Variants in CCBE1 observed in about 807,000 individuals in gnomAD.
CCBE1 encodes the protein collagen and calcium binding EGF domains 1.
A neutral mutation model predicts 50.0 loss-of-function variants in CCBE1; 37 were observed. The observed-to-expected ratio is 0.74, with a 90% CI of 0.57 to 0.97. CCBE1 has a LOEUF of 0.97. Among genes scored for constraint, CCBE1 ranks in the 50% least tolerant of loss-of-function variants. The pLI, the probability that CCBE1 is intolerant of heterozygous loss-of-function variation, is 0.00. For synonymous variants in CCBE1, 234 were observed against 203.7 expected, an observed-to-expected ratio of 1.15 and a Z score of -1.27; for missense variants, 538 against 523.8, an observed-to-expected ratio of 1.03 and a Z score of -0.26.
chr18:59,507,094 C>A (rs1913909359), intron 2 of CCBE1, among the ~76,000 whole-genome samples: 2 of 152,184 alleles, frequency 1.3e-5, no homozygotes, highest in African/African-American at 4.8e-5. Flanking sequence ...TTTCCAATGA[C>A]CCCTGGAAAT....
intron 2 of CCBE1, among the ~76,000 whole-genome samples, chr18:59,634,208 T>TA (rs1599084762): frequency 2.0e-5 from 3 of 152,250 alleles, no homozygotes; most frequent in African/African-American, 2.4e-5. Context: ...ACAATGGCTT[T>TA]AAAAAACCGC....
chr18:59,506,463 T>C (rs180742667), intron 2 of CCBE1, among the ~76,000 whole-genome samples: 2 of 152,278 alleles, frequency 1.3e-5, no homozygotes, highest in Admixed American at 1.3e-4. Flanking sequence ...CTTCACTTGC[T>C]AAAGGAATGA....
At chr18:59,459,281 A>G (rs749874674) in intron 5 of CCBE1, among the ~76,000 whole-genome samples, 1 of 152,242 alleles carries the variant, frequency 6.6e-6, no homozygotes, top group Non-Finnish European at 1.5e-5. Flanking sequence ...TACCTTTTGT[A>G]TATGTAGACC....
chr18:59,551,014 A>G (rs77939079), intron 2 of CCBE1, among the ~76,000 whole-genome samples: 3 of 119,964 alleles, frequency 2.5e-5, no homozygotes, highest in African/African-American at 3.1e-5. Flanking sequence ...AAAAAAAAAA[A>G]AAAAAAAAAA....
intron 2 of CCBE1, among the ~76,000 whole-genome samples, chr18:59,659,945 G>A (rs559993628): frequency 6.6e-6 from 1 of 152,072 alleles, no homozygotes; most frequent in South Asian, 2.1e-4. Context: ...CTAGGACCTC[G>A]CTATGCAATG....
At chr18:59,497,376 G>A (rs1387152609) in intron 2 of CCBE1, among the ~76,000 whole-genome samples, 1 of 152,130 alleles carries the variant, frequency 6.6e-6, no homozygotes, top group East Asian at 1.9e-4. Context: ...GTAATATACT[G>A]AGCAAAGAAC....
chr18:59,658,108 G>A (rs1013178454), intron 2 of CCBE1, among the ~76,000 whole-genome samples: 5 of 151,124 alleles, frequency 3.3e-5, no homozygotes, highest in Admixed American at 6.6e-5. Context: ...TTATGCATCT[G>A]TAAAAGGTGG....
rs961059280 is a variant in CCBE1 at position 59,534,591 on chromosome 18, T to C, written c.213-54353A>G. The stretch of plus-strand genomic sequence containing the variant: ...AGTGTGGTCTCTAGCATCAGCATCA[T>C]CTGGAAACTTGTTAGAAATGCAAAA... On this transcript the variant is annotated intron_variant, in intron 2 of 10. Transcript: ENST00000439986. 2.0e-5 allele frequency among the ~76,000 whole-genome samples: 3 copies of C among 152,212 alleles called. No homozygotes were observed. In the South Asian group the frequency reaches 6.2e-4, roughly 32 times the overall value.
At chr18:59,613,863 G>GTTTTTTTTTTTT (rs34847608) in intron 2 of CCBE1, among the ~76,000 whole-genome samples, 1 of 98,428 alleles carries the variant, frequency 1.0e-5, no homozygotes, top group African/African-American at 3.7e-5. Flanking sequence ...TCTCTGATGG[G>GTTTTTTTTTTTT]TTTTTTTTTT....
At chr18:59,661,573 A>G (rs566597153) in intron 2 of CCBE1, among the ~76,000 whole-genome samples, 2 of 152,342 alleles carry the variant, frequency 1.3e-5, no homozygotes, top group African/African-American at 4.8e-5. Context: ...CATTGGGGAA[A>G]CACAGCGTGA....
intron 2 of CCBE1, among the ~76,000 whole-genome samples, chr18:59,661,680 T>A (rs2054287685): frequency 6.6e-6 from 1 of 152,168 alleles, no homozygotes; most frequent in Admixed American, 6.5e-5. Context: ...TTTAATAGAT[T>A]CTGTTGGCCC....
At chr18:59,451,344 C>T (rs932323056) in intron 6 of CCBE1, among the ~76,000 whole-genome samples, 1 of 150,890 alleles carries the variant, frequency 6.6e-6, no homozygotes, top group African/African-American at 2.4e-5. Flanking sequence ...TGCCAGCCCT[C>T]TCCTTCTGGA....
At chr18:59,541,091 C>G (rs1403717856) in intron 2 of CCBE1, among the ~76,000 whole-genome samples, 3 of 152,180 alleles carry the variant, frequency 2.0e-5, no homozygotes, top group Admixed American at 2.0e-4. Flanking sequence ...ATGAGATCAT[C>G]ATGTCATTAA....
intron 2 of CCBE1, among the ~76,000 whole-genome samples, chr18:59,575,175 T>C (rs1654469503): frequency 1.3e-5 from 2 of 152,194 alleles, no homozygotes; most frequent in Admixed American, 6.5e-5. Flanking sequence ...TGCTGATGCC[T>C]TGATCTCAGA....
intron 2 of CCBE1, among the ~76,000 whole-genome samples, chr18:59,657,811 A>G (rs1248307678): frequency 6.6e-6 from 1 of 152,196 alleles, no homozygotes; most frequent in African/African-American, 2.4e-5. Context: ...AAATCGCTCG[A>G]ACCCGGGAGG....
intron 2 of CCBE1, among the ~76,000 whole-genome samples, chr18:59,511,195 G>A (rs1376776836): frequency 6.6e-6 from 1 of 152,150 alleles, no homozygotes; most frequent in Non-Finnish European, 1.5e-5. Context: ...TACCCTAACT[G>A]GTGCCTAACT....
At chr18:59,495,410 T>TTTTTC (rs149062893) in intron 2 of CCBE1, among the ~76,000 whole-genome samples, 7 of 144,954 alleles carry the variant, frequency 4.8e-5, no homozygotes, top group East Asian at 2.1e-4. Flanking sequence ...TTTTTTTTTT[T>TTTTTC]CCAGAGCGGG....
intron 2 of CCBE1, among the ~76,000 whole-genome samples, chr18:59,526,834 A>C (rs967721756): frequency 3.9e-5 from 6 of 151,954 alleles, no homozygotes; most frequent in Admixed American, 3.3e-4. Flanking sequence ...TGAGTTTCTT[A>C]CTCTTGAGTT....
intron 2 of CCBE1, among the ~76,000 whole-genome samples, chr18:59,601,152 C>G (rs1050571760): frequency 6.6e-6 from 1 of 150,822 alleles, no homozygotes; most frequent in Non-Finnish European, 1.5e-5. Context: ...CTACCTCAGC[C>G]TCTTGAGTAG....
Sources: allele counts gnomAD v4.1 joint callset (sites outside exome capture counted in the v4.1 genomes callset), GRCh38; gene constraint gnomAD v4.1.1; transcripts MANE v1.5; gene names NCBI Gene and HGNC (gene_info 2026-07-23, HGNC 2026-07-21).